EEF1D: variants seen among roughly 807,000 people sequenced by gnomAD.
EEF1D encodes eukaryotic translation elongation factor 1 delta, also known as elongation factor 1-delta.
In EEF1D, 47 loss-of-function variants were observed where a neutral mutation model predicts 63.9. That is an observed-to-expected ratio of 0.74 (90% CI 0.58 to 0.94). The LOEUF (loss-of-function observed/expected upper bound fraction) is 0.94. EEF1D is among the 40% of genes least tolerant of loss of function. The probability of loss-of-function intolerance (pLI) is 0.00; values close to 1 mark genes in which losing one functional copy is unlikely to be tolerated. For synonymous variants in EEF1D, 412 were observed against 386.1 expected, an observed-to-expected ratio of 1.07 and a Z score of -0.79; for missense variants, 907 against 899.0, an observed-to-expected ratio of 1.01 and a Z score of -0.11.
rs771685764 is a variant in EEF1D at position 143,589,200 on chromosome 8, G to A, written c.882C>T (p.Ala294=). The change falls in exon 3 of 10, where the codon GCC becomes GCT. Residue 294 remains alanine, a synonymous_variant. Coordinates refer to ENST00000618139, the MANE Select transcript of EEF1D (RefSeq NM_001130053.5). ...GCAAGGCAGAGGGGGCCTCCCCATC[G>A]GCCCGTCGCAGCCCGGCCCGCTTGT... The part of the protein sequence containing the change: ...LGNKRAGLRR[A]DGEAPSALPY... 3.0e-5 allele frequency: 47 copies of A among 1,591,228 alleles called. No homozygotes were observed. The highest frequency in any genetic ancestry group is 5.2e-5 in the Admixed American group (3 of 57,830).
intron 5 of EEF1D, chr8:143,583,189 C>T (rs1321747237): frequency 6.6e-6 from 1 of 152,258 alleles, no homozygotes; most frequent in Non-Finnish European, 1.5e-5. Flanking sequence ...CGTGTGAAGA[C>T]ATGGAGAAGA....
In EEF1D at chr8:143,579,831, CT is replaced by C; in HGVS notation, c.1906-2del. The C allele has an allele frequency of 1.3e-6, 2 of 1,564,894 alleles. No individual in the cohort carries two copies. The highest frequency in any genetic ancestry group is 1.7e-6 in the Non-Finnish European group (2 of 1,152,514). On this transcript the variant is annotated splice_acceptor_variant, in intron 9 of 9. Coordinates refer to ENST00000618139, the MANE Select transcript of EEF1D (RefSeq NM_001130053.5). LOFTEE classifies it high-confidence loss of function. Reference sequence around the variant, plus strand: ...AAGCTGCGATATCGACACTCTGCACCTGAGGAGAGGCGGAGGGTGACGGTCA... The same window carrying C: ...AAGCTGCGATATCGACACTCTGCACCGAGGAGAGGCGGAGGGTGACGGTCA...
In EEF1D at chr8:143,582,249, G is replaced by A. The variant is rs931453925; in HGVS notation, c.1288-921C>T. On this transcript the variant is annotated intron_variant, in intron 5 of 9. Transcript: ENST00000618139. ...GCTTGTTTATGTATCTGGAGGGTGT[G>A]GGAGCTAAGCCCCGCAGATCATGGG... 3.9e-5 allele frequency: 6 copies of A among 152,494 alleles called. 1 individual carries two copies. Among genetic ancestry groups the A allele is most frequent in the African/African-American group, 1.4e-4 (6 of 41,602 alleles). 9.4% of individuals were successfully genotyped at this position (152,494 alleles called of 1,614,324 possible).
chr8:143,594,580 C>A (rs1828491983), intron 1 of EEF1D: 1 of 152,592 alleles, frequency 6.6e-6, no homozygotes, highest in Non-Finnish European at 1.5e-5. Flanking sequence ...CACGCCACCC[C>A]ATCACAGTCG....
chr8:143,597,402 C>G lies in EEF1D; in HGVS notation c.-69G>C, dbSNP rs938508361. 6.6e-6 allele frequency: 1 copy of G among 151,974 alleles called. No homozygotes were observed. Among genetic ancestry groups the G allele is most frequent in the Non-Finnish European group, 1.5e-5 (1 of 67,986 alleles). The allele number at this position is 151,974 out of a possible 1,614,324, so 9.4% of individuals were successfully genotyped here. A position where few individuals can be genotyped will look rare whatever the true frequency, so the allele number is the denominator to read the frequency against. On this transcript the variant is annotated 5_prime_UTR_variant, in exon 1 of 10. Transcript: ENST00000618139. The stretch of plus-strand genomic sequence containing the variant: ...GGAGGAATCGGCGGACGCGGGAAGA[C>G]TGATGAAAGGGAGGGCCGCCCGGGC...
rs904092872 is a variant in EEF1D, at chr8:143,589,355, C to A, written c.727G>T (p.Glu243Ter). Residue 243 changes from glutamate (E) to a stop codon, truncating the protein, a stop_gained, in exon 3 of 10, where the codon GAG (glutamate) becomes TAG (stop). Coordinates refer to ENST00000618139, the MANE Select transcript of EEF1D (RefSeq NM_001130053.5). LOFTEE classifies it high-confidence loss of function. The stretch of plus-strand genomic sequence containing the variant: ...AACAGGGCCTCGTAGAAGCCCCTCT[C>A]GGCTGCATCATACCGGGGCTTCTCC... The part of the protein sequence containing the change: ...WLEKPRYDAA[E>*]RGFYEALFDG... 3.2e-6 allele frequency: 5 copies of A among 1,573,016 alleles called. No individual in the cohort carries two copies. Among genetic ancestry groups the A allele is most frequent in the Non-Finnish European group, 4.3e-6 (5 of 1,157,314 alleles).
intron 5 of EEF1D, chr8:143,583,831 G>A (rs1288521937): frequency 6.6e-6 from 1 of 152,294 alleles, no homozygotes; most frequent in Non-Finnish European, 1.5e-5. Context: ...CAGAGAGGAT[G>A]CTGGATCACC....
chr8:143,585,079 C>T (rs1220311568), intron 5 of EEF1D, among the ~76,000 whole-genome samples: 2 of 152,156 alleles, frequency 1.3e-5, no homozygotes, highest in Non-Finnish European at 2.9e-5. Context: ...AGGAGCAATG[C>T]ACCTTACAAA....
At chr8:143,594,486 A>C (rs1828480783) in intron 1 of EEF1D, 1 of 152,516 alleles carries the variant, frequency 6.6e-6, no homozygotes, top group African/African-American at 2.4e-5. Flanking sequence ...TGTGGCCACC[A>C]AGGTGCTGCA....
chr8:143,585,059 G>C (rs993450162), intron 5 of EEF1D, among the ~76,000 whole-genome samples: 1 of 152,164 alleles, frequency 6.6e-6, no homozygotes, highest in African/African-American at 2.4e-5. Context: ...GGCTTCTGCA[G>C]ATGTTGGTGA....
At chr8:143,593,209 C>G (rs62522165) in intron 1 of EEF1D, among the ~76,000 whole-genome samples, 2 of 151,926 alleles carry the variant, frequency 1.3e-5, no homozygotes, top group African/African-American at 4.8e-5. Context: ...CAGGAGCCAC[C>G]GTCAAGACAG....
At chr8:143,583,014 C>T (rs1825855315) in intron 5 of EEF1D, 1 of 152,256 alleles carries the variant, frequency 6.6e-6, no homozygotes, top group South Asian at 2.1e-4. Flanking sequence ...AATGTCCTTC[C>T]AAATCCACAT....
intron 1 of EEF1D, chr8:143,594,061 G>T: frequency 3.4e-6 from 1 of 291,196 alleles, no homozygotes; most frequent in Non-Finnish European, 5.2e-6. Context: ...TCCAAGCTCA[G>T]GAGGAGCTTT....
intron 1 of EEF1D, chr8:143,594,589 C>G (rs988306294): frequency 6.6e-6 from 1 of 152,618 alleles, no homozygotes; most frequent in African/African-American, 2.4e-5. Context: ...CCATCACAGT[C>G]GCACACACAG....
chr8:143,586,267 G>A lies in EEF1D; in HGVS notation c.1239C>T (p.Leu413=). The A allele has an allele frequency of 6.2e-7, 1 of 1,608,598 alleles. No homozygotes were observed. Among genetic ancestry groups the A allele is most frequent in the Non-Finnish European group, 8.5e-7 (1 of 1,178,324 alleles). Residue 413 remains leucine, a synonymous_variant, in exon 5 of 10, where the codon CTC becomes CTT. Coordinates refer to ENST00000618139, the MANE Select transcript of EEF1D (RefSeq NM_001130053.5). ...TCTCTCTGGCTCTCGCAATGTCACG[G>A]AGGATCACGCTGGCGCCGTTCTCCT... The part of the protein sequence containing the change: ...SRQENGASVI[L]RDIARARENI...
chr8:143,593,905 CAG>C, intron 1 of EEF1D: 1 of 985,470 alleles, frequency 1.0e-6, no homozygotes, highest in Non-Finnish European at 1.2e-6. Context: ...TCTCTCCTAA[CAG>C]AGACCAAGTC....
intron 3 of EEF1D, among the ~76,000 whole-genome samples, chr8:143,588,475 TGC>T (rs1827154294): frequency 6.6e-6 from 1 of 152,232 alleles, no homozygotes. Flanking sequence ...ACCAGCCACA[TGC>T]CCATGCATCT....
Position 143,589,098 on chromosome 8 carries a change from GCGGCACT to G in EEF1D, c.977_983del (p.Glu326AlafsTer34). ...CCCGCAGGGCCTCGGCAGCGTGGTGGCGGCACTCGGCGCTGTCGTAGGCAGGCTTGCT... is the reference window on the plus strand; with the variant it reads ...CCCGCAGGGCCTCGGCAGCGTGGTGGCGGCGCTGTCGTAGGCAGGCTTGCT... On this transcript the variant is annotated frameshift_variant, in exon 3 of 10. Transcript: ENST00000618139. LOFTEE classifies it high-confidence loss of function. 1 of 1,609,930 alleles carries G rather than the reference GCGGCACT, an allele frequency of 6.2e-7. No individual in the cohort carries two copies.
chr8:143,581,662 A>G, intron 5 of EEF1D: 3 of 389,374 alleles, frequency 7.7e-6, no homozygotes, highest in Non-Finnish European at 1.4e-5. Flanking sequence ...AAGGACTCAC[A>G]GTCCTAGGGA....
Sources: gnomAD v4.1 joint callset for allele counts (sites outside exome capture counted in the v4.1 genomes callset) on GRCh38, gnomAD v4.1.1 for gene constraint, MANE v1.5 for transcripts, NCBI Gene and HGNC (gene_info 2026-07-23, HGNC 2026-07-21) for gene names.